Variants in GRM3 observed in about 807,000 individuals in gnomAD.
GRM3 encodes the protein glutamate metabotropic receptor 3.
In GRM3, 26 loss-of-function variants were observed where a neutral mutation model predicts 70.5. The observed-to-expected ratio is 0.37, with a 90% confidence interval of 0.27 to 0.51. The LOEUF is 0.51. Among genes scored for constraint, GRM3 ranks in the 20% least tolerant of loss-of-function variants. GRM3 has a pLI of 0.93. For missense variants in GRM3, 859 were observed against 1,123.8 expected (o/e 0.76, Z 3.37); for synonymous variants, 443 against 434.9 (o/e 1.02, Z -0.23).
chr7:86,771,989 C>G (rs555213346), intron 2 of GRM3, among the ~76,000 whole-genome samples: 1 of 152,214 alleles, frequency 6.6e-6, no homozygotes, highest in South Asian at 2.1e-4. Context: ...TACTTTCCTT[C>G]AGTCCTATCC....
chr7:86,754,266 C>T (rs1410882285), intron 1 of GRM3, among the ~76,000 whole-genome samples: 1 of 152,120 alleles, frequency 6.6e-6, no homozygotes, highest in Non-Finnish European at 1.5e-5. Flanking sequence ...AAGGTATCTA[C>T]AATTCCATGA....
intron 3 of GRM3, among the ~76,000 whole-genome samples, chr7:86,809,568 C>T (rs1266234961): frequency 2.6e-5 from 4 of 151,922 alleles, no homozygotes; most frequent in African/African-American, 4.8e-5. Flanking sequence ...CTTCTTTCCC[C>T]GTAATAATTT....
chr7:86,681,888 A>T (rs1052904729), intron 1 of GRM3, among the ~76,000 whole-genome samples: 5 of 152,208 alleles, frequency 3.3e-5, no homozygotes, highest in African/African-American at 9.6e-5. Flanking sequence ...AGTTCTTGTG[A>T]TATGTGGGTG....
intron 1 of GRM3, among the ~76,000 whole-genome samples, chr7:86,708,790 T>C (rs989893929): frequency 6.6e-6 from 1 of 152,086 alleles, no homozygotes; most frequent in African/African-American, 2.4e-5. Flanking sequence ...AGAACATAAC[T>C]GAGGCTGGCC....
chr7:86,818,768 C>A (rs1798064054), intron 3 of GRM3, among the ~76,000 whole-genome samples: 2 of 152,116 alleles, frequency 1.3e-5, no homozygotes, highest in Admixed American at 1.3e-4. Context: ...GTCTTAGTTA[C>A]TTCCTAGCAA....
At chr7:86,688,409 A>G (rs1337075370) in intron 1 of GRM3, among the ~76,000 whole-genome samples, 31 of 151,688 alleles carry the variant, frequency 2.0e-4, no homozygotes, top group Admixed American at 2.0e-3. Context: ...TGTACATTTC[A>G]AAGTCATAAA....
chr7:86,765,439 A>G lies in GRM3; in HGVS notation c.294A>G (p.Thr98=), dbSNP rs372956152. 5.0e-6 allele frequency: 8 copies of G among 1,613,958 alleles called. No homozygotes were observed. Among genetic ancestry groups the G allele is most frequent in the South Asian group, 3.3e-5 (3 of 91,086 alleles). ...GVKLGVHILD[T]CSRDTYALEQ... Reference sequence around the variant, plus strand: ...AGTTGGGTGTTCACATTTTGGATACATGTTCAAGGGATACCTATGCATTGG... The same window carrying G: ...AGTTGGGTGTTCACATTTTGGATACGTGTTCAAGGGATACCTATGCATTGG... Residue 98 remains threonine, a synonymous_variant, in exon 2 of 6, where the codon ACA becomes ACG. Coordinates refer to ENST00000361669, the MANE Select transcript of GRM3 (RefSeq NM_000840.3).
chr7:86,814,988 T>C (rs1465283997), intron 3 of GRM3, among the ~76,000 whole-genome samples: 1 of 151,776 alleles, frequency 6.6e-6, no homozygotes, highest in Non-Finnish European at 1.5e-5. Context: ...TTATGGACTA[T>C]TAATTTCTAG....
chr7:86,721,996 G>C (rs1339774821), intron 1 of GRM3, among the ~76,000 whole-genome samples: 2 of 152,100 alleles, frequency 1.3e-5, no homozygotes, highest in African/African-American at 4.8e-5. Flanking sequence ...GCTCTTTCTT[G>C]AGGAAAACTG....
rs551669305 is a variant in GRM3, at chr7:86,718,160, C to T, written c.-140-46846C>T. ...TAAAAATGGAAATGTAGATCTGTTACCATTTACATACTTCAGCTTGGCTGA... is the reference window on the plus strand; with the variant it reads ...TAAAAATGGAAATGTAGATCTGTTATCATTTACATACTTCAGCTTGGCTGA... On this transcript the variant is annotated intron_variant, in intron 1 of 5. Transcript: ENST00000361669. 6.5e-4 allele frequency among the ~76,000 whole-genome samples: 98 copies of T among 151,774 alleles called. 1 individual carries two copies. The highest frequency in any genetic ancestry group is 1.9e-3 in the African/African-American group (79 of 41,404).
At chr7:86,777,437 C>G (rs144023319) in intron 2 of GRM3, among the ~76,000 whole-genome samples, 1 of 152,262 alleles carries the variant, frequency 6.6e-6, no homozygotes, top group East Asian at 1.9e-4. Flanking sequence ...TGTGAAATCA[C>G]TGGTACTGAG....
rs138234861 is a variant in GRM3 at position 86,814,865 on chromosome 7, C to T, written c.1325-23974C>T. On this transcript the variant is annotated intron_variant, in intron 3 of 5. Coordinates refer to ENST00000361669, the MANE Select transcript of GRM3 (RefSeq NM_000840.3). ...TAATTTTGAATTAAAAGGCTGATAT[C>T]CATCCAAAAGTTTCCCAGAATGTTT... 5.5e-3 allele frequency among the ~76,000 whole-genome samples: 834 copies of T among 151,252 alleles called. 4 individuals are homozygous for T. Among genetic ancestry groups the T allele is most frequent in the Middle Eastern group, 0.017 (5 of 294 alleles).
At chr7:86,758,198 T>C (rs1198928040) in intron 1 of GRM3, among the ~76,000 whole-genome samples, 2 of 152,174 alleles carry the variant, frequency 1.3e-5, no homozygotes, top group Non-Finnish European at 2.9e-5. Flanking sequence ...AAAGGGACTG[T>C]ATACATCTAG....
intron 3 of GRM3, among the ~76,000 whole-genome samples, chr7:86,789,430 A>G (rs566729772): frequency 6.6e-6 from 1 of 152,234 alleles, no homozygotes. Flanking sequence ...AAATATATGT[A>G]TATTTTTAAC....
intron 2 of GRM3, among the ~76,000 whole-genome samples, chr7:86,783,471 A>G (rs767104072): frequency 1.3e-5 from 2 of 152,130 alleles, no homozygotes; most frequent in Non-Finnish European, 2.9e-5. Context: ...AATAATATCC[A>G]CCATAAAAAG....
intron 5 of GRM3, among the ~76,000 whole-genome samples, chr7:86,863,225 A>G (rs896096744): frequency 2.0e-5 from 3 of 152,184 alleles, no homozygotes; most frequent in African/African-American, 4.8e-5. Flanking sequence ...ACTTATCTGT[A>G]CCTAGATTTC....
chr7:86,855,505 G>A (rs1035866945), intron 5 of GRM3, among the ~76,000 whole-genome samples: 3 of 152,086 alleles, frequency 2.0e-5, no homozygotes, highest in Admixed American at 6.6e-5. Context: ...ACCCAATGAT[G>A]CCCAGATTTT....
intron 1 of GRM3, among the ~76,000 whole-genome samples, chr7:86,667,876 C>G (rs936741018): frequency 6.6e-6 from 1 of 152,124 alleles, no homozygotes; most frequent in Non-Finnish European, 1.5e-5. Context: ...ACCAAACCTT[C>G]TAGTCACTTT....
intron 1 of GRM3, among the ~76,000 whole-genome samples, chr7:86,730,728 T>G (rs186339030): frequency 3.5e-4 from 54 of 152,314 alleles, no homozygotes; most frequent in Non-Finnish European, 5.0e-4. Flanking sequence ...ATTCCTTGCT[T>G]TAACTCTTTC....
Sources: gnomAD v4.1 joint callset for allele counts (sites outside exome capture counted in the v4.1 genomes callset) on GRCh38, gnomAD v4.1.1 for gene constraint, MANE v1.5 for transcripts, NCBI Gene and HGNC (gene_info 2026-07-23, HGNC 2026-07-21) for gene names.